TBL1X: variants seen among roughly 807,000 people sequenced by gnomAD.
TBL1X encodes the protein transducin beta like 1 X-linked, also known as F-box-like/WD repeat-containing protein TBL1X.
TBL1X carries 10 observed loss-of-function variants against 50.7 expected under a neutral mutation model. That is an observed-to-expected ratio of 0.20 (90% CI 0.12 to 0.33). TBL1X has a LOEUF of 0.33. Ranked by LOEUF, TBL1X falls within the 10% of genes least tolerant of loss-of-function variation. The pLI, the probability that TBL1X is intolerant of heterozygous loss-of-function variation, is 1.00. For missense variants in TBL1X, 340 were observed against 504.4 expected, an observed-to-expected ratio of 0.67 and a Z score of 3.12; for synonymous variants, 190 against 214.7, an observed-to-expected ratio of 0.88 and a Z score of 1.01.
In TBL1X at chrX:9,689,028, G is replaced by A. The variant is rs1046968536; in HGVS notation, c.616+753G>A. Among the ~76,000 whole-genome samples the A allele has an allele frequency of 7.9e-5, 9 of 113,225 alleles. No individual in the cohort carries two copies. In the East Asian group the frequency reaches 2.2e-3, roughly 28 times the overall value. ...TGTGCGTGTATGTGTGCGTGTGTGCGTGTGTGCGTGCACGCGTATATGCGT... is the reference window on the plus strand; with the variant it reads ...TGTGCGTGTATGTGTGCGTGTGTGCATGTGTGCGTGCACGCGTATATGCGT... On this transcript the variant is annotated intron_variant, in intron 7 of 17. Coordinates refer to ENST00000645353, the MANE Select transcript of TBL1X (RefSeq NM_005647.4).
chrX:9,605,853 A>G (rs1460090249), intron 2 of TBL1X, among the ~76,000 whole-genome samples: 2 of 112,252 alleles, frequency 1.8e-5, no homozygotes, highest in Non-Finnish European at 3.8e-5. Flanking sequence ...GAGCAGATGT[A>G]TTGGATTAGT....
chrX:9,580,077 C>T (rs919798538), intron 2 of TBL1X, among the ~76,000 whole-genome samples: 1 of 112,437 alleles, frequency 8.9e-6, no homozygotes, highest in African/African-American at 3.2e-5. Flanking sequence ...TGACACAGCC[C>T]TCAGGAGATC....
At chrX:9,706,273 C>T (rs5979155) in intron 13 of TBL1X, among the ~76,000 whole-genome samples, 21,554 of 109,655 alleles carry the variant, frequency 0.2, 1,618 homozygotes, top group East Asian at 0.26. Flanking sequence ...GATAAAAGAT[C>T]GAAAAAATGC....
intron 2 of TBL1X, among the ~76,000 whole-genome samples, chrX:9,615,413 A>G (rs971459290): frequency 2.7e-5 from 3 of 112,066 alleles, no homozygotes; most frequent in African/African-American, 9.8e-5. Flanking sequence ...ATAACAATAG[A>G]CAAAGAGATT....
At chrX:9,557,748 A>G (rs374023779) in intron 2 of TBL1X, among the ~76,000 whole-genome samples, 3 of 111,750 alleles carry the variant, frequency 2.7e-5, no homozygotes, top group African/African-American at 9.8e-5. Flanking sequence ...AAGCCACCAC[A>G]TTCGGTGACA....
Position 9,659,365 on chromosome X carries a change from G to A in TBL1X, c.211+5043G>A, listed in dbSNP as rs111878621. On this transcript the variant is annotated intron_variant, in intron 5 of 17. Coordinates refer to ENST00000645353, the MANE Select transcript of TBL1X (RefSeq NM_005647.4). The stretch of plus-strand genomic sequence containing the variant: ...ATAGAGATGGCATCACATATTGTGT[G>A]GTCCTGAGAGTGTGACGTCTTTCAC... Among the ~76,000 whole-genome samples the A allele has an allele frequency of 4.6e-3, 349 of 76,692 alleles. 2 individuals are homozygous for A. Among genetic ancestry groups the A allele is most frequent in the African/African-American group, 0.013 (325 of 24,111 alleles). 66.6% of individuals were successfully genotyped at this position (76,692 alleles called of 115,157 possible). A position where few individuals can be genotyped will look rare whatever the true frequency, so the allele number is the denominator to read the frequency against.
At chrX:9,611,413 A>G (rs779499028) in intron 2 of TBL1X, among the ~76,000 whole-genome samples, 8 of 112,428 alleles carry the variant, frequency 7.1e-5, no homozygotes, top group Admixed American at 2.8e-4. Context: ...TAACGTGGCC[A>G]TGATATTCCA....
At chrX:9,577,862 A>G (rs2082420425) in intron 2 of TBL1X, among the ~76,000 whole-genome samples, 1 of 112,222 alleles carries the variant, frequency 8.9e-6, no homozygotes, top group Admixed American at 9.4e-5. Flanking sequence ...CAGCTATTCC[A>G]GTTTGTATTA....
At chrX:9,611,613 G>A (rs2082614120) in intron 2 of TBL1X, among the ~76,000 whole-genome samples, 1 of 112,305 alleles carries the variant, frequency 8.9e-6, no homozygotes, top group Non-Finnish European at 1.9e-5. Flanking sequence ...AGGAAGTCAT[G>A]TCTAAAAGGG....
intron 2 of TBL1X, among the ~76,000 whole-genome samples, chrX:9,583,794 A>G (rs1361685541): frequency 8.9e-6 from 1 of 112,026 alleles, no homozygotes; most frequent in Non-Finnish European, 1.9e-5. Context: ...GGAGGCTCAA[A>G]GTTGATTGTA....
chrX:9,660,430 G>A (rs957944013), intron 5 of TBL1X, among the ~76,000 whole-genome samples: 6 of 112,171 alleles, frequency 5.3e-5, no homozygotes, highest in Non-Finnish European at 7.5e-5. Flanking sequence ...GCTACTAAAA[G>A]GAGCTTGTCA....
chrX:9,622,544 C>T (rs1041883337), intron 2 of TBL1X, among the ~76,000 whole-genome samples: 1 of 111,867 alleles, frequency 8.9e-6, no homozygotes, highest in Non-Finnish European at 1.9e-5. Flanking sequence ...CAACCTCCGC[C>T]TCTCAGGTTC....
intron 1 of TBL1X, among the ~76,000 whole-genome samples, chrX:9,472,106 C>G (rs762346530): frequency 4.5e-5 from 5 of 111,794 alleles, no homozygotes; most frequent in African/African-American, 1.6e-4. Flanking sequence ...TTGACTCTTT[C>G]CAATTAGGGA....
Position 9,666,703 on chromosome X carries a change from G to C in TBL1X, c.211+12381G>C, listed in dbSNP as rs1488324277. 2.7e-5 allele frequency among the ~76,000 whole-genome samples: 3 copies of C among 111,261 alleles called. No individual in the cohort carries two copies. In the East Asian group the frequency reaches 8.4e-4, roughly 31 times the overall value. The stretch of plus-strand genomic sequence containing the variant: ...CCTGGGGACACGTGGAATTAGCCAG[G>C]TGCCCTAGCTAGGCTGGGAAGAGTC... On this transcript the variant is annotated intron_variant, in intron 5 of 17. Transcript: ENST00000645353.
rs904308614 is a variant in TBL1X at position 9,676,271 on chromosome X, C to T, written c.212-7772C>T. ...CAGGAGCTGAGGCTTCTCCTGGCAT[C>T]ACCTCCACTACAATTCTCTGTGAGC... On this transcript the variant is annotated intron_variant, in intron 5 of 17. Coordinates refer to ENST00000645353, the MANE Select transcript of TBL1X (RefSeq NM_005647.4). Among the ~76,000 whole-genome samples, 3 of 111,902 alleles carry T rather than the reference C, an allele frequency of 2.7e-5. No homozygotes were observed. The Admixed American group carries it at 2.8e-4, about 11-fold the overall frequency.
intron 2 of TBL1X, among the ~76,000 whole-genome samples, chrX:9,507,550 C>A (rs924046902): frequency 8.9e-6 from 1 of 112,171 alleles, no homozygotes; most frequent in Non-Finnish European, 1.9e-5. Context: ...TTGTTCCTGT[C>A]AAACTACCAT....
intron 2 of TBL1X, among the ~76,000 whole-genome samples, chrX:9,629,766 C>G (rs2082711064): frequency 9.0e-6 from 1 of 111,522 alleles, no homozygotes; most frequent in Admixed American, 9.5e-5. Flanking sequence ...TTGGACCAGA[C>G]AGGCTGTTGG....
intron 7 of TBL1X, among the ~76,000 whole-genome samples, chrX:9,690,650 T>A (rs774238049): frequency 2.6e-4 from 29 of 112,111 alleles, no homozygotes; most frequent in African/African-American, 9.4e-4. Context: ...CATAGACAAT[T>A]TGAAAACATG....
intron 2 of TBL1X, among the ~76,000 whole-genome samples, chrX:9,635,779 A>G (rs1471698150): frequency 8.9e-6 from 1 of 111,897 alleles, no homozygotes; most frequent in Non-Finnish European, 1.9e-5. Flanking sequence ...CATCCTGTGC[A>G]CCTTTCATTC....
Sources: allele counts gnomAD v4.1 joint callset (sites outside exome capture counted in the v4.1 genomes callset), GRCh38; gene constraint gnomAD v4.1.1; transcripts MANE v1.5; gene names NCBI Gene and HGNC (gene_info 2026-07-23, HGNC 2026-07-21).